The following EGFLAM variants were observed in gnomAD, a reference collection of about 807,000 sequenced individuals.
The protein encoded by EGFLAM is EGF like, fibronectin type III and laminin G domains.
A neutral mutation model predicts 113.1 loss-of-function variants in EGFLAM; 79 were observed. The ratio of observed to expected loss-of-function variants is 0.70; its 90% CI spans 0.58 to 0.84. The LOEUF (loss-of-function observed/expected upper bound fraction) is 0.84. Ranked by LOEUF, EGFLAM falls within the 40% of genes least tolerant of loss-of-function variation. The pLI is 0.00. For missense variants in EGFLAM, 1,265 were observed against 1,291.6 expected (o/e 0.98, Z 0.32); for synonymous variants, 504 against 487.6 (o/e 1.03, Z -0.44).
At chr5:38,442,185 T>G in intron 17 of EGFLAM, among the ~76,000 whole-genome samples, 1 of 151,856 alleles carries the variant, frequency 6.6e-6, no homozygotes, top group East Asian at 1.9e-4. Context: ...ATAAGAAAAC[T>G]CTGTATATAA....
intron 2 of EGFLAM, among the ~76,000 whole-genome samples, chr5:38,337,969 T>C (rs1739230890): frequency 6.6e-6 from 1 of 152,204 alleles, no homozygotes; most frequent in Non-Finnish European, 1.5e-5. Flanking sequence ...TGTGGAATGT[T>C]GTCAACAAGT....
chr5:38,383,547 T>C lies in EGFLAM; in HGVS notation c.712+13085T>C, dbSNP rs138077695. ...TTATTCACACAGTTTCCAAAATGTG[T>C]ATTTGATGTCTGTTTATGCCCAGGT... On this transcript the variant is annotated intron_variant, in intron 6 of 21. Coordinates refer to ENST00000322350, the MANE Select transcript of EGFLAM (RefSeq NM_152403.4). 7.8e-3 allele frequency among the ~76,000 whole-genome samples: 1,191 copies of C among 152,278 alleles called. 15 individuals carry two copies. The highest frequency in any genetic ancestry group is 0.027 in the African/African-American group (1,108 of 41,540).
intron 20 of EGFLAM, chr5:38,461,265 G>C (rs1420015364): frequency 6.6e-6 from 1 of 152,158 alleles, no homozygotes; most frequent in Non-Finnish European, 1.5e-5. Context: ...AGACACAGGA[G>C]ATACCTCATT....
chr5:38,455,537 C>T lies in EGFLAM; in HGVS notation c.2688-2774C>T, dbSNP rs147029057. On this transcript the variant is annotated intron_variant, in intron 19 of 21. Coordinates refer to ENST00000322350, the MANE Select transcript of EGFLAM (RefSeq NM_152403.4). The stretch of plus-strand genomic sequence containing the variant: ...TGTCCACCACCCAAAAATGCTCCCT[C>T]ATTCTTCTCCCAGTGAAGGTAACCA... Among the ~76,000 whole-genome samples, 4 of 152,328 alleles carry T rather than the reference C, an allele frequency of 2.6e-5. No individual in the cohort carries two copies. The East Asian group carries it at 5.8e-4, about 22-fold the overall frequency.
intron 1 of EGFLAM, among the ~76,000 whole-genome samples, chr5:38,278,924 G>C (rs1229800764): frequency 6.6e-6 from 1 of 152,092 alleles, no homozygotes; most frequent in Non-Finnish European, 1.5e-5. Flanking sequence ...AGAGTGAACA[G>C]ACAAAATACA....
intron 1 of EGFLAM, among the ~76,000 whole-genome samples, chr5:38,312,530 G>C (rs1320609476): frequency 6.6e-6 from 1 of 151,762 alleles, no homozygotes; most frequent in African/African-American, 2.4e-5. Flanking sequence ...GTGAGCCACC[G>C]CGCCTGGCCA....
chr5:38,303,271 T>C (rs1355291239), intron 1 of EGFLAM, among the ~76,000 whole-genome samples: 1 of 152,150 alleles, frequency 6.6e-6, no homozygotes, highest in African/African-American at 2.4e-5. Flanking sequence ...GCCTGAAGAA[T>C]GCTAAAATAT....
intron 12 of EGFLAM, among the ~76,000 whole-genome samples, chr5:38,420,619 T>C (rs974543068): frequency 3.3e-5 from 5 of 152,216 alleles, no homozygotes; most frequent in African/African-American, 1.2e-4. Flanking sequence ...ATTTCGTAAA[T>C]GTTTCCTGTT....
In EGFLAM at chr5:38,432,241, A is replaced by C. The variant is rs567566451; in HGVS notation, c.2166+953A>C. Among the ~76,000 whole-genome samples, 3 of 152,274 alleles carry C rather than the reference A, an allele frequency of 2.0e-5. No homozygotes were observed. In the South Asian group the frequency reaches 6.2e-4, roughly 32 times the overall value. On this transcript the variant is annotated intron_variant, in intron 15 of 21. Coordinates refer to ENST00000322350, the MANE Select transcript of EGFLAM (RefSeq NM_152403.4). Reference sequence around the variant, plus strand: ...TTTGGGTATATTAATAAGCAAATAGACTAGTAGAAAAAAGAAAAGGAAAGA... The same window carrying C: ...TTTGGGTATATTAATAAGCAAATAGCCTAGTAGAAAAAAGAAAAGGAAAGA...
chr5:38,398,102 CT>C (rs1741010104), intron 6 of EGFLAM, among the ~76,000 whole-genome samples: 1 of 152,152 alleles, frequency 6.6e-6, no homozygotes, highest in South Asian at 2.1e-4. Flanking sequence ...CAGAGGGGCT[CT>C]GGGTGTGGAT....
intron 1 of EGFLAM, among the ~76,000 whole-genome samples, chr5:38,324,877 G>A (rs1317814908): frequency 2.0e-5 from 3 of 152,168 alleles, no homozygotes; most frequent in South Asian, 2.1e-4. Context: ...TCAACTTGAC[G>A]CTGAGGGTGA....
chr5:38,295,244 G>A (rs1228290369), intron 1 of EGFLAM, among the ~76,000 whole-genome samples: 4 of 152,164 alleles, frequency 2.6e-5, no homozygotes, highest in African/African-American at 7.2e-5. Flanking sequence ...CCTGCTAACC[G>A]CTGTATCTGA....
intron 5 of EGFLAM, among the ~76,000 whole-genome samples, chr5:38,356,307 C>T (rs754781197): frequency 1.3e-5 from 2 of 152,196 alleles, no homozygotes; most frequent in African/African-American, 2.4e-5. Context: ...TATCCTTTCT[C>T]AGAACCCCTA....
intron 6 of EGFLAM, among the ~76,000 whole-genome samples, chr5:38,377,153 GCT>G (rs1740388693): frequency 6.7e-6 from 1 of 149,930 alleles, no homozygotes; most frequent in African/African-American, 2.5e-5. Flanking sequence ...ACAGAGTCTC[GCT>G]CTGTCACCCA....
At chr5:38,446,333 C>G (rs1292854905) in intron 17 of EGFLAM, among the ~76,000 whole-genome samples, 1 of 152,068 alleles carries the variant, frequency 6.6e-6, no homozygotes, top group African/African-American at 2.4e-5. Flanking sequence ...TTTCTGTTTC[C>G]CGTCCTTCCT....
chr5:38,258,955 A>C, intron 1 of EGFLAM, 104 bp downstream of exon 1: 1 of 1,246,382 alleles, frequency 8.0e-7, no homozygotes, highest in Non-Finnish European at 1.1e-6. Flanking sequence ...CTCCCCGACC[A>C]ACGTCTGCTT....
At chr5:38,409,441 T>C (rs1434280341) in intron 10 of EGFLAM, among the ~76,000 whole-genome samples, 1 of 151,904 alleles carries the variant, frequency 6.6e-6, no homozygotes, top group Non-Finnish European at 1.5e-5. Context: ...GCAGGTGCTG[T>C]TGAATGTACC....
intron 1 of EGFLAM, among the ~76,000 whole-genome samples, chr5:38,309,329 T>C (rs1758805306): frequency 6.6e-6 from 1 of 152,210 alleles, no homozygotes; most frequent in Admixed American, 6.5e-5. Flanking sequence ...AATTGGGTCT[T>C]TCGGAAAAAC....
chr5:38,343,741 A>G (rs1739404101), intron 3 of EGFLAM, among the ~76,000 whole-genome samples: 1 of 152,230 alleles, frequency 6.6e-6, no homozygotes, highest in Admixed American at 6.5e-5. Context: ...TCCACTGGAC[A>G]ATGCTAGGTG....
Sources: allele counts gnomAD v4.1 joint callset (sites outside exome capture counted in the v4.1 genomes callset), GRCh38; gene constraint gnomAD v4.1.1; transcripts MANE v1.5; gene names NCBI Gene and HGNC (gene_info 2026-07-23, HGNC 2026-07-21).